The following GYS1 variants were observed in gnomAD, a reference collection of about 807,000 sequenced individuals.
GYS1 encodes the protein glycogen [starch] synthase, muscle.
Under a neutral mutation model 89.1 loss-of-function variants are expected in GYS1, and 60 were observed. The observed-to-expected ratio is 0.67, with a 90% CI of 0.55 to 0.84. GYS1 has a LOEUF of 0.84. Among genes scored for constraint, GYS1 ranks in the 40% least tolerant of loss-of-function variants. The pLI is 0.00. For synonymous variants in GYS1, 366 were observed against 401.7 expected, an observed-to-expected ratio of 0.91 and a Z score of 1.06; for missense variants, 888 against 1,003.1, an observed-to-expected ratio of 0.89 and a Z score of 1.55.
At chr19:48,984,266 C>G (rs990045234) in intron 5 of GYS1, among the ~76,000 whole-genome samples, 1 of 151,996 alleles carries the variant, frequency 6.6e-6, no homozygotes, top group South Asian at 2.1e-4. Flanking sequence ...CTCAGCCTTC[C>G]AAAGTGCTGG....
At position 48,993,196 on chromosome 19, in the gene GYS1, G is replaced by A; in HGVS notation, c.-84C>T. 1 of 819,028 alleles carries A rather than the reference G, an allele frequency of 1.2e-6. No homozygotes were observed. The highest frequency in any genetic ancestry group is 2.2e-6 in the Non-Finnish European group (1 of 460,882). 50.7% of individuals were successfully genotyped at this position (819,028 alleles called of 1,614,324 possible). On this transcript the variant is annotated 5_prime_UTR_variant, in exon 1 of 16. Transcript: ENST00000323798. ...GGGAATGCACCAGGTAGGGTGCGGG[G>A]CCGAGTAGCTGGTGCCCGACGGGAA...
chr19:48,986,122 A>C, intron 3 of GYS1, 87 bp from the exon 4 acceptor site: 1 of 1,219,092 alleles, frequency 8.2e-7, no homozygotes, highest in East Asian at 2.4e-5. Flanking sequence ...ACTCGGGGAG[A>C]GGTCAATCTG....
Position 48,993,296 on chromosome 19 carries a change from G to GC in GYS1, c.-185dup, listed in dbSNP as rs2038973846. 1.5e-6 allele frequency: 1 copy of GC among 669,502 alleles called. No individual in the cohort carries two copies. The allele number at this position is 669,502 out of a possible 1,614,324, so 41.5% of individuals were successfully genotyped here. ...AGCGTTGGGACCTAGGCAGAAGGAG[G>GC]CCGCAGCGTCACTGAGCCCACTGGC... On this transcript the variant is annotated 5_prime_UTR_variant, in exon 1 of 16. Transcript: ENST00000323798.
intron 10 of GYS1, among the ~76,000 whole-genome samples, chr19:48,975,564 G>A (rs1600135977): frequency 6.6e-6 from 1 of 152,088 alleles, no homozygotes; most frequent in Non-Finnish European, 1.5e-5. Context: ...CCAGTCAATG[G>A]GGGTGGAGAC....
At chr19:48,976,848 G>T (rs531120030) in intron 10 of GYS1, among the ~76,000 whole-genome samples, 1 of 148,960 alleles carries the variant, frequency 6.7e-6, no homozygotes, top group South Asian at 2.1e-4. Flanking sequence ...CACTGCAGCG[G>T]CATAATCATA....
chr19:48,970,782 C>A lies in GYS1; in HGVS notation c.1646-73G>T, dbSNP rs1188967004. 2.7e-6 allele frequency: 4 copies of A among 1,502,672 alleles called. No homozygotes were observed. The East Asian group carries it at 6.8e-5, about 26-fold the overall frequency. The allele number at this position is 1,502,672 out of a possible 1,614,324, so 93.1% of individuals were successfully genotyped here. On this transcript the variant is annotated intron_variant, in intron 13 of 15. Coordinates refer to ENST00000323798, the MANE Select transcript of GYS1 (RefSeq NM_002103.5). Reference sequence around the variant, plus strand: ...CATGGTCTCCAGGACTCTGTGGCACCAGGACCCCTCCTCTCCCAGCGGCCC... The same window carrying A: ...CATGGTCTCCAGGACTCTGTGGCACAAGGACCCCTCCTCTCCCAGCGGCCC...
At chr19:48,983,669 GT>G (rs1452553121) in intron 5 of GYS1, among the ~76,000 whole-genome samples, 1 of 152,228 alleles carries the variant, frequency 6.6e-6, no homozygotes, top group Non-Finnish European at 1.5e-5. Flanking sequence ...CCTTCTGGGA[GT>G]TGTAGTTCTC....
chr19:48,989,515 G>A (rs977701624), intron 2 of GYS1, among the ~76,000 whole-genome samples: 8 of 149,682 alleles, frequency 5.3e-5, no homozygotes, highest in Non-Finnish European at 1.0e-4. Context: ...GCTCACTACA[G>A]CCTCCACATC....
chr19:48,975,120 C>G (rs1862493), intron 10 of GYS1, among the ~76,000 whole-genome samples: 2 of 151,606 alleles, frequency 1.3e-5, no homozygotes, highest in Non-Finnish European at 2.9e-5. Flanking sequence ...TTAGTAGAGA[C>G]GAGGTTTCAC....
intron 6 of GYS1, 92 bp downstream of exon 6, chr19:48,982,628 G>A (rs1568622560): frequency 8.0e-6 from 8 of 1,005,654 alleles, no homozygotes; most frequent in Non-Finnish European, 1.1e-5. Flanking sequence ...AGACCCAGGA[G>A]TCTGGGCCCC....
intron 8 of GYS1, among the ~76,000 whole-genome samples, chr19:48,978,876 C>A (rs987461744): frequency 2.2e-4 from 33 of 152,068 alleles, no homozygotes; most frequent in African/African-American, 7.5e-4. Context: ...GAGGTGTGAG[C>A]AGGGAAGCCG....
chr19:48,973,880 C>T (rs372838981), intron 12 of GYS1, among the ~76,000 whole-genome samples: 1 of 152,094 alleles, frequency 6.6e-6, no homozygotes, highest in Admixed American at 6.6e-5. Context: ...TTGATGGGCA[C>T]TGGGAACGTC....
At chr19:48,973,594 A>T (rs954331876) in intron 12 of GYS1, among the ~76,000 whole-genome samples, 1 of 145,182 alleles carries the variant, frequency 6.9e-6, no homozygotes, top group African/African-American at 2.6e-5. Flanking sequence ...ATCTCAGCTC[A>T]CTGCAACCTC....
rs747130196 is a variant in GYS1, at chr19:48,982,332, C to T, written c.985G>A (p.Ala329Thr). Residue 329 changes from alanine to threonine, a missense_variant, in exon 7 of 16, where the codon GCC becomes ACC. Ala to Thr is a moderately conservative substitution (Grantham distance 58, BLOSUM62 0). Transcript: ENST00000323798. ...NLDKTLYFFI[A>T]GRYEFSNKGA... Reference sequence around the variant, plus strand: ...TTGTTGGAGAACTCATAGCGGCCGGCGATAAAGAAGTATAAGGTCTTGTCC... The same window carrying T: ...TTGTTGGAGAACTCATAGCGGCCGGTGATAAAGAAGTATAAGGTCTTGTCC... 1.4e-5 allele frequency: 23 copies of T among 1,613,544 alleles called. No individual in the cohort carries two copies. Among genetic ancestry groups the T allele is most frequent in the African/African-American group, 5.3e-5 (4 of 74,830 alleles).
In GYS1 at chr19:48,981,577, A is replaced by G. The variant is rs1300778334; in HGVS notation, c.1122T>C (p.Asn374=). The G allele has an allele frequency of 2.6e-5, 42 of 1,613,672 alleles. No homozygotes were observed. The highest frequency in any genetic ancestry group is 3.5e-5 in the Non-Finnish European group (41 of 1,179,734). ...GGCCTTTGAGGGTTTCCACGTTGAAATTGTTGGTCCGCGCTGGCATGATGA... is the reference window on the plus strand; with the variant it reads ...GGCCTTTGAGGGTTTCCACGTTGAAGTTGTTGGTCCGCGCTGGCATGATGA... The part of the protein sequence containing the change: ...AFFIMPARTN[N]FNVETLKGQA... The change falls in exon 8 of 16, where the codon AAT becomes AAC. Residue 374 remains asparagine, a synonymous_variant. Coordinates refer to ENST00000323798, the MANE Select transcript of GYS1 (RefSeq NM_002103.5).
At chr19:48,989,597 G>A (rs1206439078) in intron 2 of GYS1, among the ~76,000 whole-genome samples, 1 of 151,468 alleles carries the variant, frequency 6.6e-6, no homozygotes, top group Admixed American at 6.6e-5. Flanking sequence ...CTAATTTTTT[G>A]TATTTTTAGT....
intron 7 of GYS1, 101 bp from the exon 8 acceptor site, chr19:48,981,737 C>T (rs1189379390): frequency 1.3e-6 from 1 of 757,544 alleles, no homozygotes; most frequent in East Asian, 2.5e-5. Context: ...CATACCCATT[C>T]CTGTCAAGGA....
intron 2 of GYS1, among the ~76,000 whole-genome samples, chr19:48,989,878 T>C (rs1287120002): frequency 6.6e-6 from 1 of 152,072 alleles, no homozygotes; most frequent in Non-Finnish European, 1.5e-5. Context: ...ATGGCTTTGG[T>C]TCTGGGCCTG....
chr19:48,988,681 T>A (rs941368136), intron 2 of GYS1, among the ~76,000 whole-genome samples: 2 of 152,100 alleles, frequency 1.3e-5, no homozygotes, highest in Non-Finnish European at 2.9e-5. Context: ...GTGGTGCAAT[T>A]ACGGTTCACT....
Sources: gnomAD v4.1 joint callset for allele counts (sites outside exome capture counted in the v4.1 genomes callset) on GRCh38, gnomAD v4.1.1 for gene constraint, MANE v1.5 for transcripts, NCBI Gene and HGNC (gene_info 2026-07-23, HGNC 2026-07-21) for gene names.